SERPINF2: variants seen among roughly 807,000 people sequenced by gnomAD.
SERPINF2 encodes serpin family F member 2.
SERPINF2 carries 15 observed loss-of-function variants against 45.0 expected under a neutral mutation model. The ratio of observed to expected loss-of-function variants is 0.33; its 90% CI spans 0.22 to 0.51. The LOEUF is 0.51. SERPINF2 is among the 20% of genes least tolerant of loss of function. The pLI, the probability that SERPINF2 is intolerant of heterozygous loss-of-function variation, is 0.97. For missense variants in SERPINF2, 518 were observed against 637.4 expected (o/e 0.81, Z 2.02); for synonymous variants, 283 against 277.9 (o/e 1.02, Z -0.18).
In SERPINF2 at chr17:1,754,182, T is replaced by G; in HGVS notation, c.1124T>G (p.Val375Gly). ...LRGISEQSLV[V>G]SGVQHQSTLE... is the part of the protein sequence containing the mutation. ...GGGATCTCCGAGCAGAGCCTGGTGG[T>G]GTCCGGCGTGCAGCATCAGTCCACC... is the stretch of plus-strand genomic sequence containing the variant. The change falls in exon 10 of 10, where the codon GTG becomes GGG. Residue 375 changes from valine (V) to glycine (G), a missense_variant. Coordinates refer to ENST00000453066, the MANE Select transcript of SERPINF2 (RefSeq NM_000934.4). 1 of 1,612,328 alleles carries G rather than the reference T, an allele frequency of 6.2e-7. No homozygotes were observed. The highest frequency in any genetic ancestry group is 8.5e-7 in the Non-Finnish European group (1 of 1,180,022).
At position 1,754,646 on chromosome 17, in the gene SERPINF2, G is replaced by T; in HGVS notation, c.*112G>T. 3 of 983,946 alleles carry T rather than the reference G, an allele frequency of 3.0e-6. No homozygotes were observed. Among genetic ancestry groups the T allele is most frequent in the Non-Finnish European group, 4.3e-6 (3 of 703,874 alleles). The allele number at this position is 983,946 out of a possible 1,614,324, so 61.0% of individuals were successfully genotyped here. ...GGCAGGGGCCGGGGGCAGTCTGAGA[G>T]AGGCCATTCTTTCCCAACACCTCTT... On this transcript the variant is annotated 3_prime_UTR_variant, in exon 10 of 10. Coordinates refer to ENST00000453066, the MANE Select transcript of SERPINF2 (RefSeq NM_000934.4).
chr17:1,754,509 A>AC lies in SERPINF2; in HGVS notation c.1456dup (p.Gln486ProfsTer173). On this transcript the variant is annotated frameshift_variant, in exon 10 of 10. Transcript: ENST00000453066. LOFTEE classifies it high-confidence loss of function. ...CTTGTGCCCCCCATGGAGGAGGATT[A>AC]CCCCCAGTTTGGCAGCCCCAAGTGA... The AC allele has an allele frequency of 1.2e-6, 2 of 1,610,272 alleles. No homozygotes were observed. Among genetic ancestry groups the AC allele is most frequent in the Non-Finnish European group, 1.7e-6 (2 of 1,179,166 alleles).
chr17:1,754,056 C>T lies in SERPINF2; in HGVS notation c.1064-66C>T. On this transcript the variant is annotated intron_variant, in intron 9 of 9. Transcript: ENST00000453066. ...CCTGGCCAGGATCTCAGACACCCTCCCAAGCAGCTCCAGGAGCCTGTGAGG... is the reference window on the plus strand; with the variant it reads ...CCTGGCCAGGATCTCAGACACCCTCTCAAGCAGCTCCAGGAGCCTGTGAGG... The T allele has an allele frequency of 3.8e-6, 6 of 1,579,860 alleles. No individual in the cohort carries two copies. In the East Asian group the frequency reaches 1.1e-4, roughly 29 times the overall value.
intron 9 of SERPINF2, 135 bp downstream of exon 9, chr17:1,752,925 A>T: frequency 1.3e-6 from 1 of 767,868 alleles, no homozygotes; most frequent in Non-Finnish European, 2.1e-6. Flanking sequence ...GGGAGCGGGG[A>T]GAGGGTTGAA....
intron 5 of SERPINF2, 81 bp from the exon 6 acceptor site, chr17:1,746,938 G>T: frequency 1.9e-6 from 3 of 1,541,382 alleles, no homozygotes; most frequent in Non-Finnish European, 2.6e-6. Context: ...CCTCGTCACG[G>T]GTATCCAGGA....
intron 5 of SERPINF2, 106 bp from the exon 6 acceptor site, chr17:1,746,913 T>C: frequency 7.1e-7 from 1 of 1,408,320 alleles, no homozygotes; most frequent in South Asian, 1.3e-5. Flanking sequence ...GGATGGCGTG[T>C]GGTCCCGTGG....
At position 1,747,479 on chromosome 17, in the gene SERPINF2, G is replaced by C. The variant is rs909653557; in HGVS notation, c.682G>C (p.Val228Leu). 1.2e-5 allele frequency: 20 copies of C among 1,614,104 alleles called. No individual in the cohort carries two copies. Among genetic ancestry groups the C allele is most frequent in the Non-Finnish European group, 1.6e-5 (19 of 1,180,020 alleles). ...EFLSGLPEDT[V>L]LLLLNAIHFQ... Reference sequence around the variant, plus strand: ...CCTCTCTGGGCTGCCGGAAGACACCGTGTTGCTTCTCCTCAACGCCATCCA... The same window carrying C: ...CCTCTCTGGGCTGCCGGAAGACACCCTGTTGCTTCTCCTCAACGCCATCCA... Residue 228 changes from valine to leucine, a missense_variant, in exon 7 of 10, where the codon GTG becomes CTG. Physicochemically the swap from Val to Leu is conservative, Grantham distance 32. This residue lies in a region of SERPINF2 where 435 missense variants were observed against 577.3 expected (regional missense o/e 0.75). Coordinates refer to ENST00000453066, the MANE Select transcript of SERPINF2 (RefSeq NM_000934.4).
At chr17:1,754,098 C>T in intron 9 of SERPINF2, 24 bp from the exon 10 acceptor site, 2 of 1,600,980 alleles carry the variant, frequency 1.2e-6, no homozygotes, top group Non-Finnish European at 1.7e-6. Context: ...GCAGCTCTGA[C>T]CAGCCATCTC....
Position 1,745,558 on chromosome 17 carries a change from G to T in SERPINF2, c.166-150G>T. On this transcript the variant is annotated intron_variant, in intron 4 of 9. Transcript: ENST00000453066. This position sits in a 1 kb window ranked among gnomAD's most constrained non-coding sequence, Gnocchi z 6.2. ...GACCGAAGGTGGGCGCCAGGCCCCA[G>T]AATGCCAGTGCCCTCCGTCTGACGC... The T allele has an allele frequency of 8.6e-7, 1 of 1,169,222 alleles. No individual in the cohort carries two copies. The highest frequency in any genetic ancestry group is 1.2e-6 in the Non-Finnish European group (1 of 811,518). 72.4% of individuals were successfully genotyped at this position (1,169,222 alleles called of 1,614,324 possible).
At chr17:1,744,750 A>G (rs1905637534) in intron 1 of SERPINF2, 3 of 985,424 alleles carry the variant, frequency 3.0e-6, no homozygotes, top group South Asian at 4.7e-5. Context: ...CCCTCAGTGC[A>G]TGAAATGCAT....
At chr17:1,750,067 G>A (rs1158237341) in intron 8 of SERPINF2, among the ~76,000 whole-genome samples, 1 of 151,516 alleles carries the variant, frequency 6.6e-6, no homozygotes, top group Non-Finnish European at 1.5e-5. Flanking sequence ...TCTGCCTCCT[G>A]GGTTCAAGCC....
In SERPINF2 at chr17:1,752,806, C is replaced by T. The variant is rs368745277; in HGVS notation, c.1063+16C>T. The stretch of plus-strand genomic sequence containing the variant: ...AGCCAGCTGGGTAAGGAGGAGGGTG[C>T]GGGCGAGCCCCCGAGGTCAGGCTGG... On this transcript the variant is annotated intron_variant, in intron 9 of 9. Coordinates refer to ENST00000453066, the MANE Select transcript of SERPINF2 (RefSeq NM_000934.4). 13 of 1,587,570 alleles carry T rather than the reference C, an allele frequency of 8.2e-6. 1 individual carries two copies. Among genetic ancestry groups the T allele is most frequent in the African/African-American group, 6.7e-5 (5 of 74,300 alleles).
Position 1,754,693 on chromosome 17 carries a change from GGGCGCGGCT to G in SERPINF2, c.*162_*170del. On this transcript the variant is annotated 3_prime_UTR_variant, in exon 10 of 10. Transcript: ENST00000453066. Reference sequence around the variant, plus strand: ...TCTTGGGGAGTTTAGGGTGGGGGGGGGGCGCGGCTGGGAGGAGGGCAGGCATCGGGGAGC... The same window carrying G: ...TCTTGGGGAGTTTAGGGTGGGGGGGGGGGAGGAGGGCAGGCATCGGGGAGC... 2 of 425,912 alleles carry G rather than the reference GGGCGCGGCT, an allele frequency of 4.7e-6. No individual in the cohort carries two copies. Among genetic ancestry groups the G allele is most frequent in the Non-Finnish European group, 7.9e-6 (2 of 252,048 alleles). 26.4% of individuals were successfully genotyped at this position (425,912 alleles called of 1,614,324 possible).
intron 8 of SERPINF2, among the ~76,000 whole-genome samples, chr17:1,749,651 C>G (rs1390536294): frequency 1.3e-5 from 2 of 152,150 alleles, no homozygotes; most frequent in Non-Finnish European, 2.9e-5. Flanking sequence ...CTGCCCACCT[C>G]GGCCTCCCTA....
At position 1,754,219 on chromosome 17, in the gene SERPINF2, C is replaced by G. The variant is rs201915095; in HGVS notation, c.1161C>G (p.Ser387Arg). 3.5e-5 allele frequency: 56 copies of G among 1,613,832 alleles called. 1 individual carries two copies. In the Admixed American group the frequency reaches 6.2e-4, roughly 18 times the overall value. ...AGCATCAGTCCACCCTGGAGCTCAG[C>G]GAGGTCGGCGTGGAGGCGGCGGCGG... ...GVQHQSTLEL[S>R]EVGVEAAAAT... Residue 387 changes from serine (S) to arginine (R), a missense_variant, in exon 10 of 10, where the codon AGC becomes AGG. Coordinates refer to ENST00000453066, the MANE Select transcript of SERPINF2 (RefSeq NM_000934.4).
At chr17:1,750,645 C>T (rs1342922161) in intron 8 of SERPINF2, among the ~76,000 whole-genome samples, 1 of 152,130 alleles carries the variant, frequency 6.6e-6, no homozygotes, top group Non-Finnish European at 1.5e-5. Flanking sequence ...TTGCTTCTAG[C>T]CTAAATGTGG....
intron 1 of SERPINF2, among the ~76,000 whole-genome samples, chr17:1,744,229 A>C (rs939439742): frequency 2.7e-5 from 4 of 150,114 alleles, no homozygotes; most frequent in Admixed American, 2.7e-4. Flanking sequence ...GCAGTGGCTC[A>C]TGCCTGTAAT....
rs372119519 is a variant in SERPINF2, at chr17:1,754,251, G to A, written c.1193G>A (p.Ser398Asn). ...GGCGTGGAGGCGGCGGCGGCCACCA[G>A]CATTGCCATGTCCCGCATGTCCCTG... is the stretch of plus-strand genomic sequence containing the variant. ...EVGVEAAAAT[S>N]IAMSRMSLSS... The change falls in exon 10 of 10, where the codon AGC (serine) becomes AAC (asparagine). Residue 398 changes from serine (S) to asparagine (N), a missense_variant. Transcript: ENST00000453066. 5.0e-6 allele frequency: 8 copies of A among 1,614,000 alleles called. No homozygotes were observed. The South Asian group carries it at 7.7e-5, about 16-fold the overall frequency.
In SERPINF2 at chr17:1,745,012, G is replaced by C. The variant is rs1390108134; in HGVS notation, c.17G>C (p.Gly6Ala). 1 of 1,613,852 alleles carries C rather than the reference G, an allele frequency of 6.2e-7. No individual in the cohort carries two copies. Among genetic ancestry groups the C allele is most frequent in the Non-Finnish European group, 8.5e-7 (1 of 1,180,018 alleles). Residue 6 changes from glycine (G) to alanine (A), a missense_variant, in exon 2 of 10, where the codon GGG becomes GCG. Coordinates refer to ENST00000453066, the MANE Select transcript of SERPINF2 (RefSeq NM_000934.4). This position sits in a 1 kb window ranked among gnomAD's most constrained non-coding sequence, Gnocchi z 6.2. MALLWGLLVLSWSCLQ... is the reference protein window; with the variant it reads MALLWALLVLSWSCLQ... Reference sequence around the variant, plus strand: ...CACAGGAACATGGCGCTGCTCTGGGGGCTCCTGGTGCTCAGCTGGTCCTGC... The same window carrying C: ...CACAGGAACATGGCGCTGCTCTGGGCGCTCCTGGTGCTCAGCTGGTCCTGC...
Sources: allele counts gnomAD v4.1 joint callset (sites outside exome capture counted in the v4.1 genomes callset), GRCh38; gene constraint gnomAD v4.1.1; regional missense constraint gnomAD v4.1.1; non-coding constraint Gnocchi (gnomAD v3.1); transcripts MANE v1.5; gene names NCBI Gene and HGNC (gene_info 2026-07-23, HGNC 2026-07-21).